The following PRAC2 variants were observed in gnomAD, a reference collection of about 807,000 sequenced individuals.
The protein encoded by PRAC2 is PRAC2 small nuclear protein.
For synonymous variants in PRAC2, 43 were observed against 49.5 expected (o/e 0.87, Z 0.55); for missense variants, 92 against 114.5 (o/e 0.80, Z 0.90).
chr17:48,718,752 G>A (rs1303246869), upstream of PRAC2, among the ~76,000 whole-genome samples: 3 of 152,150 alleles, frequency 2.0e-5, no homozygotes, highest in Non-Finnish European at 4.4e-5. Context: ...CGAAGGCCTG[G>A]GGATCGCAAG....
At chr17:48,719,491 G>A (rs372726590), upstream of PRAC2, among the ~76,000 whole-genome samples, 112 of 152,324 alleles carry the variant, frequency 7.4e-4, no homozygotes, top group African/African-American at 2.5e-3. Context: ...AGCGCGGCGG[G>A]CGACAGCCCC....
chr17:48,721,132 T>C (rs1034899369), upstream of PRAC2, among the ~76,000 whole-genome samples: 2 of 152,084 alleles, frequency 1.3e-5, no homozygotes, highest in Admixed American at 6.5e-5. Context: ...CCAAGACCAA[T>C]GACTTGGCAA....
upstream of PRAC2, chr17:48,722,417 G>A (rs1416306347): frequency 6.2e-7 from 1 of 1,608,558 alleles, no homozygotes; most frequent in Admixed American, 1.7e-5. Flanking sequence ...CAAAGGTGGG[G>A]ACCAGAATCC....
At chr17:48,721,703 G>A (rs1356938935), upstream of PRAC2, 6 of 1,191,020 alleles carry the variant, frequency 5.0e-6, no homozygotes, top group Non-Finnish European at 5.5e-6. Flanking sequence ...TATAATCACA[G>A]TTAACTTTCA....
At chr17:48,721,316 G>A (rs1278529657), upstream of PRAC2, among the ~76,000 whole-genome samples, 2 of 152,044 alleles carry the variant, frequency 1.3e-5, no homozygotes, top group Non-Finnish European at 2.9e-5. Flanking sequence ...CAGAGAAAAA[G>A]GTGCAATTAT....
At position 48,723,721 on chromosome 17, in the gene PRAC2, G is replaced by C. The variant is rs186933068; in HGVS notation, c.-84+408G>C. 191 of 1,231,762 alleles carry C rather than the reference G, an allele frequency of 1.6e-4. No individual in the cohort carries two copies. The East Asian group carries it at 3.6e-3, about 23-fold the overall frequency. 76.3% of individuals were successfully genotyped at this position (1,231,762 alleles called of 1,614,324 possible). On this transcript the variant is annotated intron_variant, in intron 1 of 1. Coordinates refer to ENST00000422730, the MANE Select transcript of PRAC2 (RefSeq NM_001282275.2). ...ACCCGAAAGATGGAGCCTCAGGTTC[G>C]CGCTCTGCGTTGCGGGTGCTGGAAC... is the stretch of plus-strand genomic sequence containing the variant.
At chr17:48,722,635 G>A, upstream of PRAC2, 1 of 520,000 alleles carries the variant, frequency 1.9e-6, no homozygotes. Flanking sequence ...GAAAGCTGGA[G>A]TGTCTCCTCC....
At chr17:48,719,477 G>A (rs1002688631), upstream of PRAC2, among the ~76,000 whole-genome samples, 1 of 152,196 alleles carries the variant, frequency 6.6e-6, no homozygotes, top group Non-Finnish European at 1.5e-5. Context: ...GCCAGGGATC[G>A]GATAGCGCGG....
Position 48,723,572 on chromosome 17 carries a change from C to T in PRAC2, c.-84+259C>T, listed in dbSNP as rs1168180805. 5.3e-6 allele frequency: 3 copies of T among 568,568 alleles called. No homozygotes were observed. In the African/African-American group the frequency reaches 5.8e-5, roughly 11 times the overall value. The allele number at this position is 568,568 out of a possible 1,614,324, so 35.2% of individuals were successfully genotyped here. A position where few individuals can be genotyped will look rare whatever the true frequency, so the allele number is the denominator to read the frequency against. The stretch of plus-strand genomic sequence containing the variant: ...ATGAGGCTTTTTCCTGCTTCGAGGG[C>T]TTTCCAGCTTCCGGCCCGGGAACTA... On this transcript the variant is annotated intron_variant, in intron 1 of 1. Transcript: ENST00000422730.
At chr17:48,722,532 A>T, upstream of PRAC2, 1 of 715,308 alleles carries the variant, frequency 1.4e-6, no homozygotes, top group Non-Finnish European at 2.5e-6. Flanking sequence ...GGAGCACAGC[A>T]CTGGGTGCCC....
At chr17:48,720,575 C>T (rs1380312603), upstream of PRAC2, among the ~76,000 whole-genome samples, 6 of 152,162 alleles carry the variant, frequency 3.9e-5, no homozygotes, top group South Asian at 2.1e-4. Context: ...TATGGGGAAG[C>T]TGCAGACCCA....
At chr17:48,720,815 T>G (rs1181205665), upstream of PRAC2, among the ~76,000 whole-genome samples, 2 of 152,180 alleles carry the variant, frequency 1.3e-5, no homozygotes, top group Non-Finnish European at 2.9e-5. Flanking sequence ...TGATCTCAGC[T>G]GGGTGACTCC....
In PRAC2 at chr17:48,724,252, G is replaced by T. The variant is rs1597930027; in HGVS notation, c.-83-76G>T. On this transcript the variant is annotated intron_variant, in intron 1 of 1. Coordinates refer to ENST00000422730, the MANE Select transcript of PRAC2 (RefSeq NM_001282275.2). ...TTTCAATGTGGTCGTCCAGGGATAG[G>T]TGGGAGACTAAAATTGGGAAGGGAT... 4.7e-5 allele frequency: 34 copies of T among 730,160 alleles called. No individual in the cohort carries two copies. The East Asian group carries it at 1.1e-3, about 24-fold the overall frequency. 45.2% of individuals were successfully genotyped at this position (730,160 alleles called of 1,614,324 possible).
chr17:48,724,355 G>T lies in PRAC2; in HGVS notation c.-56G>T, dbSNP rs1481120854. 5 of 1,221,682 alleles carry T rather than the reference G, an allele frequency of 4.1e-6. 1 individual carries two copies. Among genetic ancestry groups the T allele is most frequent in the Middle Eastern group, 4.2e-4 (2 of 4,806 alleles). 75.7% of individuals were successfully genotyped at this position (1,221,682 alleles called of 1,614,324 possible). A position where few individuals can be genotyped will look rare whatever the true frequency, so the allele number is the denominator to read the frequency against. On this transcript the variant is annotated 5_prime_UTR_variant, in exon 2 of 2. Transcript: ENST00000422730. ...TCCATACAAGTAAATCCGAAAAAAA[G>T]TGTGTGTGGGGGGGTCCACACCACT...
chr17:48,722,349 G>A, upstream of PRAC2: 1 of 1,614,208 alleles, frequency 6.2e-7, no homozygotes, highest in East Asian at 2.2e-5. Context: ...CTTGGAGGTA[G>A]TAAGATGGGC....
chr17:48,719,220 C>T (rs1276721872), upstream of PRAC2, among the ~76,000 whole-genome samples: 1 of 144,568 alleles, frequency 6.9e-6, no homozygotes, highest in Admixed American at 6.8e-5. Flanking sequence ...CAAACACACA[C>T]ACACACACAC....
chr17:48,722,258 G>C, upstream of PRAC2: 1 of 1,426,568 alleles, frequency 7.0e-7, no homozygotes, highest in Non-Finnish European at 9.9e-7. Flanking sequence ...AGGGCCTCCT[G>C]ATGCAGCTAC....
chr17:48,724,576 G>C lies in PRAC2; in HGVS notation c.166G>C (p.Val56Leu), dbSNP rs983019138. 1.9e-5 allele frequency: 24 copies of C among 1,232,008 alleles called. No individual in the cohort carries two copies. Among genetic ancestry groups the C allele is most frequent in the Non-Finnish European group, 2.2e-5 (22 of 987,946 alleles). 76.3% of individuals were successfully genotyped at this position (1,232,008 alleles called of 1,614,324 possible). ...CTGGCCGAATGGCAGGCGACATCGG[G>C]TCCTGGACCCCCACACGCAGCTCAG... ...MPWPNGRRHRVLDPHTQLSTH... is the reference protein window; with the variant it reads ...MPWPNGRRHRLLDPHTQLSTH... The change falls in exon 2 of 2, where the codon GTC (valine) becomes CTC (leucine). Residue 56 changes from valine (V) to leucine (L), a missense_variant. Val to Leu is a conservative substitution (Grantham distance 32, BLOSUM62 1). Transcript: ENST00000422730.
chr17:48,724,447 C>A lies in PRAC2; in HGVS notation c.37C>A (p.Arg13Ser). The change falls in exon 2 of 2, where the codon CGC becomes AGC. Residue 13 changes from arginine to serine, a missense_variant. Transcript: ENST00000422730. ...RRRMALRPGSRRPTAFFFHSR... is the reference protein window; with the variant it reads ...RRRMALRPGSSRPTAFFFHSR... ...GCGGATGGCTCTGCGGCCTGGCTCC[C>A]GCAGACCGACCGCCTTCTTCTTCCA... 1 of 1,234,308 alleles carries A rather than the reference C, an allele frequency of 8.1e-7. No individual in the cohort carries two copies. The highest frequency in any genetic ancestry group is 1.0e-6 in the Non-Finnish European group (1 of 988,144). 76.5% of individuals were successfully genotyped at this position (1,234,308 alleles called of 1,614,324 possible).
Sources: gnomAD v4.1 joint callset for allele counts (sites outside exome capture counted in the v4.1 genomes callset) on GRCh38, gnomAD v4.1.1 for gene constraint, MANE v1.5 for transcripts, NCBI Gene and HGNC (gene_info 2026-07-23, HGNC 2026-07-21) for gene names.